Variants in NRXN1 observed in about 807,000 individuals in gnomAD.
NRXN1 encodes the protein neurexin 1, also known as neurexin-1.
NRXN1 carries 39 observed loss-of-function variants against 150.9 expected under a neutral mutation model. That is an observed-to-expected ratio of 0.26 (90% CI 0.20 to 0.34). The LOEUF is 0.34. Among genes scored for constraint, NRXN1 ranks in the 10% least tolerant of loss-of-function variants. The probability of loss-of-function intolerance (pLI) is 1.00; values close to 1 mark genes in which losing one functional copy is unlikely to be tolerated. For synonymous variants in NRXN1, 924 were observed against 757.0 expected (o/e 1.22, Z -3.62); for missense variants, 1,815 against 1,949.9 (o/e 0.93, Z 1.30).
intron 15 of NRXN1, among the ~76,000 whole-genome samples, chr2:50,488,898 A>G (rs79521624): frequency 6.6e-6 from 1 of 152,328 alleles, no homozygotes; most frequent in Non-Finnish European, 1.5e-5. Flanking sequence ...CATTCCCTAA[A>G]GAGGGACCTG....
intron 8 of NRXN1, among the ~76,000 whole-genome samples, chr2:50,592,131 A>G (rs1674370312): frequency 1.3e-5 from 2 of 152,236 alleles, no homozygotes; most frequent in Non-Finnish European, 1.5e-5. Context: ...AATCCTCACT[A>G]TAAACTGTGC....
chr2:50,953,652 T>C (rs1425248796), intron 2 of NRXN1, among the ~76,000 whole-genome samples: 1 of 151,068 alleles, frequency 6.6e-6, no homozygotes, highest in Admixed American at 6.6e-5. Context: ...TGCCGCTGCC[T>C]CCCAGGTTCA....
At chr2:50,990,277 C>T (rs1040326026) in intron 2 of NRXN1, among the ~76,000 whole-genome samples, 6 of 151,808 alleles carry the variant, frequency 4.0e-5, no homozygotes, top group African/African-American at 1.5e-4. Flanking sequence ...CTCAAATGCA[C>T]CTTTGAAGCC....
At chr2:50,772,653 T>C (rs563602209) in intron 5 of NRXN1, among the ~76,000 whole-genome samples, 16 of 152,140 alleles carry the variant, frequency 1.1e-4, no homozygotes, top group Non-Finnish European at 1.9e-4. Context: ...AATGTGATTT[T>C]CAAATTACAA....
At chr2:50,669,679 A>T (rs1055741332) in intron 5 of NRXN1, among the ~76,000 whole-genome samples, 1 of 151,806 alleles carries the variant, frequency 6.6e-6, no homozygotes. Context: ...TAAATTTGTC[A>T]TAATCACATC....
intron 17 of NRXN1, among the ~76,000 whole-genome samples, chr2:50,284,531 A>G (rs560146800): frequency 5.9e-5 from 9 of 152,174 alleles, no homozygotes; most frequent in African/African-American, 2.2e-4. Flanking sequence ...TATAATCTTC[A>G]TATGGAAAAA....
At chr2:50,932,742 AT>A (rs1174280486) in intron 2 of NRXN1, among the ~76,000 whole-genome samples, 1 of 152,188 alleles carries the variant, frequency 6.6e-6, no homozygotes, top group African/African-American at 2.4e-5. Context: ...ATTTAAAAAA[AT>A]AATGTGCTAG....
intron 5 of NRXN1, among the ~76,000 whole-genome samples, chr2:50,704,408 A>T (rs1366742456): frequency 6.6e-6 from 1 of 152,060 alleles, no homozygotes; most frequent in African/African-American, 2.4e-5. Context: ...AAAAGAAAAA[A>T]TGAACATGGA....
rs1226070719 is a variant in NRXN1, at chr2:50,845,041, T to C, written c.832+76828A>G. 5.9e-5 allele frequency among the ~76,000 whole-genome samples: 9 copies of C among 152,166 alleles called. No individual in the cohort carries two copies. The East Asian group carries it at 1.7e-3, about 29-fold the overall frequency. On this transcript the variant is annotated intron_variant, in intron 5 of 22. Transcript: ENST00000401669. ...GCTAATTTTCAAAAATTCTTTTGTG[T>C]AGATAGGCTCCCCCATATTGCCCAG...
intron 5 of NRXN1, among the ~76,000 whole-genome samples, chr2:50,676,728 T>C (rs1038145667): frequency 6.6e-6 from 1 of 152,038 alleles, no homozygotes; most frequent in African/African-American, 2.4e-5. Flanking sequence ...CACTAAAGAG[T>C]TCCAAAGAAA....
At chr2:49,974,662 A>C (rs1678627685) in intron 21 of NRXN1, among the ~76,000 whole-genome samples, 1 of 152,140 alleles carries the variant, frequency 6.6e-6, no homozygotes, top group South Asian at 2.1e-4. Context: ...AAGTTAATGA[A>C]TGACATTTTT....
At chr2:50,136,407 C>G (rs1706418242) in intron 18 of NRXN1, among the ~76,000 whole-genome samples, 1 of 152,086 alleles carries the variant, frequency 6.6e-6, no homozygotes. Context: ...GGAGGCCTGG[C>G]TTACAGAAAG....
chr2:50,107,536 TA>T (rs149565994), intron 18 of NRXN1, among the ~76,000 whole-genome samples: 17 of 125,396 alleles, frequency 1.4e-4, no homozygotes, highest in African/African-American at 4.8e-4. Flanking sequence ...TATATATATA[TA>T]TATTTTTTTT....
At chr2:50,282,408 T>A (rs2071578272) in intron 17 of NRXN1, among the ~76,000 whole-genome samples, 2 of 152,140 alleles carry the variant, frequency 1.3e-5, no homozygotes, top group African/African-American at 2.4e-5. Flanking sequence ...ATTGTGCAGG[T>A]CCACTTAAAT....
At chr2:49,922,353 G>A in intron 22 of NRXN1, 102 bp from the exon 23 acceptor site, 2 of 1,190,454 alleles carry the variant, frequency 1.7e-6, no homozygotes. Context: ...CAGCACCTAT[G>A]CTTTAGGAAA....
chr2:50,142,603 A>G (rs955045594), intron 18 of NRXN1, among the ~76,000 whole-genome samples: 2 of 151,958 alleles, frequency 1.3e-5, no homozygotes, highest in Admixed American at 6.6e-5. Flanking sequence ...ATGTATATCA[A>G]TTAAAAAAAT....
chr2:50,146,656 A>G (rs1157073289), intron 18 of NRXN1, among the ~76,000 whole-genome samples: 1 of 151,668 alleles, frequency 6.6e-6, no homozygotes, highest in Non-Finnish European at 1.5e-5. Flanking sequence ...TTTAATGTAT[A>G]TTGCTATTAT....
intron 2 of NRXN1, among the ~76,000 whole-genome samples, chr2:51,000,602 A>C (rs1699905654): frequency 6.6e-6 from 1 of 152,012 alleles, no homozygotes; most frequent in Non-Finnish European, 1.5e-5. Context: ...ATAATTTAGG[A>C]AACAGGGCTC....
chr2:50,380,885 A>G (rs1411405562), intron 17 of NRXN1, among the ~76,000 whole-genome samples: 2 of 152,158 alleles, frequency 1.3e-5, no homozygotes, highest in Admixed American at 1.3e-4. Flanking sequence ...TGTAAGCCTA[A>G]TAAGCATAAG....
Sources: gnomAD v4.1 joint callset for allele counts (sites outside exome capture counted in the v4.1 genomes callset) on GRCh38, gnomAD v4.1.1 for gene constraint, MANE v1.5 for transcripts, NCBI Gene and HGNC (gene_info 2026-07-23, HGNC 2026-07-21) for gene names.